The following DNAH8 variants were observed in gnomAD, a reference collection of about 807,000 sequenced individuals.
The protein encoded by DNAH8 is dynein axonemal heavy chain 8.
A neutral mutation model predicts 562.1 loss-of-function variants in DNAH8; 382 were observed. The observed-to-expected ratio is 0.68, with a 90% CI of 0.63 to 0.74. DNAH8 has a LOEUF of 0.74. Among genes scored for constraint, DNAH8 ranks in the 30% least tolerant of loss-of-function variants. DNAH8 has a pLI of 0.00. For synonymous variants in DNAH8, 1,881 were observed against 1,919.4 expected (o/e 0.98, Z 0.52); for missense variants, 5,203 against 5,620.4 (o/e 0.93, Z 2.37).
In DNAH8 at chr6:38,826,382, A is replaced by G. The variant is rs1232376359; in HGVS notation, c.4074A>G (p.Gly1358=). 1 of 1,591,856 alleles carries G rather than the reference A, an allele frequency of 6.3e-7. No homozygotes were observed. The highest frequency in any genetic ancestry group is 8.5e-7 in the Non-Finnish European group (1 of 1,170,690). ...DNEIQMDMTL[G]PIEEAYAILN... ...AAATTCAAATGGACATGACTTTGGG[A>G]CCAATTGAAGTAAGAAATGATTGCA... The change falls in exon 29 of 93, where the codon GGA becomes GGG. Residue 1358 remains glycine (G), a synonymous_variant. Transcript: ENST00000327475.
chr6:38,770,586 C>T (rs776708769), intron 12 of DNAH8, 27 bp downstream of exon 12: 1 of 1,532,700 alleles, frequency 6.5e-7, no homozygotes, highest in East Asian at 2.3e-5. Flanking sequence ...CATCGTACCC[C>T]ACTCCACACC....
rs878854276 is a variant in DNAH8 at position 38,911,592 on chromosome 6, A to AGGAAT, written c.9859+19_9859+23dup. ...GGCTGAACGTATGAATATTGGTAAG[A>AGGAAT]GGAATGGAATGGAATGGGATGGAAT... is the stretch of plus-strand genomic sequence containing the variant. On this transcript the variant is annotated splice_region_variant and intron_variant, in intron 66 of 92. Transcript: ENST00000327475. The AGGAAT allele has an allele frequency of 6.4e-7, 1 of 1,554,804 alleles. No individual in the cohort carries two copies.
chr6:38,807,839 A>G (rs1011616351), intron 24 of DNAH8, 123 bp downstream of exon 24: 5 of 441,794 alleles, frequency 1.1e-5, no homozygotes, highest in Non-Finnish European at 1.8e-5. Flanking sequence ...AAAAGACTGT[A>G]TGAAAGTATT....
At chr6:38,785,468 T>C (rs1052808727) in intron 17 of DNAH8, among the ~76,000 whole-genome samples, 4 of 152,236 alleles carry the variant, frequency 2.6e-5, no homozygotes, top group South Asian at 2.1e-4. Context: ...CAGATTTAAA[T>C]GTTCAAAAGT....
rs1338709868 is a variant in DNAH8 at position 39,030,162 on chromosome 6, G to A, written c.13894G>A (p.Gly4632Arg). 20 of 1,613,926 alleles carry A rather than the reference G, an allele frequency of 1.2e-5. No individual in the cohort carries two copies. The highest frequency in any genetic ancestry group is 1.7e-5 in the Non-Finnish European group (20 of 1,180,002). The change falls in exon 93 of 93, where the codon GGG becomes AGG. Residue 4632 changes from glycine to arginine, a missense_variant. This residue lies in a region of DNAH8 where 1,399 missense variants were observed against 1,518.4 expected (regional missense o/e 0.92). Coordinates refer to ENST00000327475, the MANE Select transcript of DNAH8 (RefSeq NM_001206927.2). ...MDGAAWDRRN[G>R]KLMESTPKVL... ...TGGAGCAGCCTGGGACAGACGGAAT[G>A]GGAAGCTCATGGAATCCACCCCCAA...
At position 38,895,392 on chromosome 6, in the gene DNAH8, A is replaced by G. The variant is rs564845327; in HGVS notation, c.8747+528A>G. Among the ~76,000 whole-genome samples, 17 of 152,346 alleles carry G rather than the reference A, an allele frequency of 1.1e-4. No homozygotes were observed. The South Asian group carries it at 3.3e-3, about 30-fold the overall frequency. On this transcript the variant is annotated intron_variant, in intron 59 of 92. Coordinates refer to ENST00000327475, the MANE Select transcript of DNAH8 (RefSeq NM_001206927.2). ...TATTCCAGTATGACTTCAACAATAC[A>G]TCTTTATAAATCACCAGATCATCAG...
chr6:38,759,962 C>A (rs1278660640), intron 10 of DNAH8, among the ~76,000 whole-genome samples: 2 of 152,200 alleles, frequency 1.3e-5, no homozygotes, highest in African/African-American at 4.8e-5. Context: ...ATACCTATCA[C>A]AATGGTCCTG....
chr6:38,737,744 T>G, intron 6 of DNAH8, 65 bp from the exon 7 acceptor site: 1 of 695,220 alleles, frequency 1.4e-6, no homozygotes, highest in Non-Finnish European at 2.0e-6. Flanking sequence ...TTTAATATTT[T>G]TATTAATATA....
Position 38,951,413 on chromosome 6 carries a change from A to G in DNAH8, c.12344A>G (p.Glu4115Gly), listed in dbSNP as rs1470194108. The G allele has an allele frequency of 2.5e-6, 4 of 1,614,186 alleles. No individual in the cohort carries two copies. Among genetic ancestry groups the G allele is most frequent in the Non-Finnish European group, 3.4e-6 (4 of 1,180,032 alleles). ...KYTEPVILNL[E>G]KTWEESDTRT... ...ACAGAACCAGTTATCTTAAATCTGG[A>G]GAAAACTTGGGAAGAAAGTGATACC... Residue 4115 changes from glutamate (E) to glycine (G), a missense_variant, in exon 82 of 93, where the codon GAG becomes GGG. By Grantham distance (98) the Glu-to-Gly change is moderately conservative. Transcript: ENST00000327475.
chr6:38,877,713 A>G (rs534743399), intron 53 of DNAH8, among the ~76,000 whole-genome samples: 1 of 152,306 alleles, frequency 6.6e-6, no homozygotes, highest in African/African-American at 2.4e-5. Context: ...GGACATTAAC[A>G]TCTTTGGAGA....
chr6:38,837,803 A>C, intron 32 of DNAH8, 139 bp from the exon 33 acceptor site: 1 of 621,632 alleles, frequency 1.6e-6, no homozygotes, highest in Non-Finnish European at 2.8e-6. Context: ...GTATCAGTAT[A>C]AATTTGCTTC....
intron 74 of DNAH8, among the ~76,000 whole-genome samples, chr6:38,926,684 T>C (rs1483674315): frequency 6.6e-6 from 1 of 152,176 alleles, no homozygotes; most frequent in Non-Finnish European, 1.5e-5. Context: ...GGGATTCTGT[T>C]ACTATTGATA....
chr6:38,884,036 T>A (rs761296106), intron 56 of DNAH8, 38 bp downstream of exon 56: 1 of 1,287,986 alleles, frequency 7.8e-7, no homozygotes, highest in Non-Finnish European at 1.0e-6. Context: ...ATCCTGAATT[T>A]GTATTTTTAT....
intron 18 of DNAH8, 82 bp from the exon 19 acceptor site, chr6:38,789,720 TG>T (rs1562791985): frequency 9.5e-7 from 1 of 1,049,838 alleles, no homozygotes; most frequent in East Asian, 2.5e-5. Context: ...ACTGGGATTA[TG>T]AAACCTTCCT....
rs932754454 is a variant in DNAH8 at position 38,842,792 on chromosome 6, C to T, written c.4734C>T (p.His1578=). The change falls in exon 35 of 93, where the codon CAC becomes CAT. Residue 1578 remains histidine, a synonymous_variant. Coordinates refer to ENST00000327475, the MANE Select transcript of DNAH8 (RefSeq NM_001206927.2). ...CCAATAAGGCCATGAAACAGAGACA[C>T]TGGGATAGAATCTCCGAGTTAACTG... ...MMTNKAMKQR[H]WDRISELTGT... 12 of 1,613,810 alleles carry T rather than the reference C, an allele frequency of 7.4e-6. No individual in the cohort carries two copies. The African/African-American group carries it at 1.5e-4, about 20-fold the overall frequency.
At chr6:38,786,635 C>G in intron 17 of DNAH8, 130 bp from the exon 18 acceptor site, 1 of 850,752 alleles carries the variant, frequency 1.2e-6, no homozygotes, top group Non-Finnish European at 1.8e-6. Context: ...GCCTTAGCAC[C>G]TGGGGCATCC....
In DNAH8 at chr6:38,862,463, G is replaced by A. The variant is rs575437006; in HGVS notation, c.6310+5G>A. On this transcript the variant is annotated splice_donor_5th_base_variant and intron_variant, in intron 44 of 92. Coordinates refer to ENST00000327475, the MANE Select transcript of DNAH8 (RefSeq NM_001206927.2). ...GCCTAGGAAGGATTTTCAAAGGCAA[G>A]TGTCAAATAATGTAGATTATTTTAG... 35 of 1,602,022 alleles carry A rather than the reference G, an allele frequency of 2.2e-5. No homozygotes were observed. In the South Asian group the frequency reaches 3.7e-4, roughly 17 times the overall value.
intron 42 of DNAH8, among the ~76,000 whole-genome samples, chr6:38,858,191 G>A (rs1217175724): frequency 6.6e-6 from 1 of 152,150 alleles, no homozygotes; most frequent in Non-Finnish European, 1.5e-5. Context: ...TTAGAAATGG[G>A]ACTCTAACCA....
intron 62 of DNAH8, among the ~76,000 whole-genome samples, chr6:38,903,370 G>A (rs1166074487): frequency 1.3e-5 from 2 of 151,994 alleles, no homozygotes; most frequent in African/African-American, 2.4e-5. Flanking sequence ...GAGTGAGGGT[G>A]CAGGTCCCAG....
Sources: allele counts gnomAD v4.1 joint callset (sites outside exome capture counted in the v4.1 genomes callset), GRCh38; gene constraint gnomAD v4.1.1; regional missense constraint gnomAD v4.1.1; transcripts MANE v1.5; gene names NCBI Gene and HGNC (gene_info 2026-07-23, HGNC 2026-07-21).